The following PTPRT variants were observed in gnomAD, a reference collection of about 807,000 sequenced individuals.
PTPRT encodes protein tyrosine phosphatase receptor type T.
A neutral mutation model predicts 176.8 loss-of-function variants in PTPRT; 56 were observed. That is an observed-to-expected ratio of 0.32 (90% confidence interval 0.26 to 0.40). The LOEUF (loss-of-function observed/expected upper bound fraction) is 0.40, where lower values mean the gene tolerates loss of function less well. PTPRT is among the 10% of genes least tolerant of loss of function. The pLI, the probability that PTPRT is intolerant of heterozygous loss-of-function variation, is 1.00. For synonymous variants in PTPRT, 783 were observed against 739.0 expected (o/e 1.06, Z -0.96); for missense variants, 1,540 against 1,908.2 (o/e 0.81, Z 3.60).
At chr20:43,035,410 T>C (rs973501401) in intron 1 of PTPRT, among the ~76,000 whole-genome samples, 1 of 152,200 alleles carries the variant, frequency 6.6e-6, no homozygotes, top group Non-Finnish European at 1.5e-5. Context: ...ATACGGTCTC[T>C]GCGGCAACTG....
At chr20:43,139,724 T>C (rs1234055428) in intron 1 of PTPRT, among the ~76,000 whole-genome samples, 1 of 152,138 alleles carries the variant, frequency 6.6e-6, no homozygotes, top group Admixed American at 6.5e-5. Context: ...TGGAAAACGG[T>C]CACCCCAGGC....
chr20:42,612,462 C>T (rs954883551), intron 7 of PTPRT, among the ~76,000 whole-genome samples: 3 of 152,140 alleles, frequency 2.0e-5, no homozygotes, highest in African/African-American at 4.8e-5. Context: ...TTACATTACA[C>T]GTCATCACTC....
At chr20:42,326,890 G>A (rs556651925) in intron 11 of PTPRT, among the ~76,000 whole-genome samples, 1 of 151,890 alleles carries the variant, frequency 6.6e-6, no homozygotes, top group South Asian at 2.1e-4. Context: ...GATGTGGATG[G>A]CCATAATTTG....
At chr20:42,162,893 G>A (rs1414923767) in intron 16 of PTPRT, among the ~76,000 whole-genome samples, 1 of 152,218 alleles carries the variant, frequency 6.6e-6, no homozygotes. Flanking sequence ...CGGCAAGCCT[G>A]TTCCTGGCAA....
At chr20:43,082,701 T>C (rs774333292) in intron 1 of PTPRT, among the ~76,000 whole-genome samples, 11 of 152,148 alleles carry the variant, frequency 7.2e-5, no homozygotes, top group African/African-American at 9.7e-5. Context: ...ACCAGCCCAA[T>C]TGTGCCATGA....
At chr20:42,300,257 CAAAA>C (rs761176814) in intron 12 of PTPRT, among the ~76,000 whole-genome samples, 1 of 49,618 alleles carries the variant, frequency 2.0e-5, no homozygotes, top group African/African-American at 8.2e-5. Flanking sequence ...AACTCCGTCT[CAAAA>C]AAAAAAAAAA....
chr20:42,169,902 A>C (rs1045758711), intron 16 of PTPRT, among the ~76,000 whole-genome samples: 4 of 152,146 alleles, frequency 2.6e-5, no homozygotes, highest in African/African-American at 9.7e-5. Flanking sequence ...CCCTACTCCC[A>C]AAACAAGGGA....
chr20:42,977,877 C>A (rs143197255), intron 1 of PTPRT, among the ~76,000 whole-genome samples: 82 of 152,272 alleles, frequency 5.4e-4, no homozygotes, highest in Middle Eastern at 3.4e-3. Flanking sequence ...TAATTGTTTC[C>A]CTAAACTAAT....
rs544167826 is a variant in PTPRT, at chr20:42,080,729, C to T, written c.*150G>A. On this transcript the variant is annotated 3_prime_UTR_variant, in exon 31 of 31. Transcript: ENST00000373187. The stretch of plus-strand genomic sequence containing the variant: ...AGGAGACCCCTCAGAAGGTGCAGAG[C>T]CCCCCGTGGAACACAGGGCCACCAG... 7 of 684,864 alleles carry T rather than the reference C, an allele frequency of 1.0e-5. No homozygotes were observed. The highest frequency in any genetic ancestry group is 1.7e-5 in the Non-Finnish European group (7 of 401,838). The allele number at this position is 684,864 out of a possible 1,614,324, so 42.4% of individuals were successfully genotyped here.
chr20:43,072,620 T>C (rs1027546527), intron 1 of PTPRT, among the ~76,000 whole-genome samples: 1 of 152,186 alleles, frequency 6.6e-6, no homozygotes, highest in African/African-American at 2.4e-5. Context: ...TGTAGAAAAT[T>C]GCCCAAACTT....
rs535588971 is a variant in PTPRT, at chr20:42,147,191, T to C, written c.2683-5189A>G. Among the ~76,000 whole-genome samples the C allele has an allele frequency of 3.9e-5, 6 of 152,352 alleles. No homozygotes were observed. In the East Asian group the frequency reaches 1.2e-3, roughly 29 times the overall value. On this transcript the variant is annotated intron_variant, in intron 17 of 30. Coordinates refer to ENST00000373187, the MANE Select transcript of PTPRT (RefSeq NM_007050.6). ...GCTGGCTCTATACTTCAGATGTGCT[T>C]GAAAGACCTATTTAGGATGAATGAA...
intron 1 of PTPRT, among the ~76,000 whole-genome samples, chr20:42,977,272 C>T (rs1003527158): frequency 1.2e-4 from 18 of 152,166 alleles, no homozygotes; most frequent in African/African-American, 4.3e-4. Context: ...TGAAGACCTA[C>T]ATTTGCTCCC....
At chr20:42,989,526 C>T (rs1164503316) in intron 1 of PTPRT, among the ~76,000 whole-genome samples, 3 of 152,152 alleles carry the variant, frequency 2.0e-5, no homozygotes, top group African/African-American at 7.2e-5. Flanking sequence ...AAGGACTGCC[C>T]AGGTAGAACC....
In PTPRT at chr20:42,619,453, C is replaced by A. The variant is rs1390212880; in HGVS notation, c.1153+58413G>T. Among the ~76,000 whole-genome samples the A allele has an allele frequency of 4.0e-5, 5 of 124,906 alleles. No homozygotes were observed. The East Asian group carries it at 1.0e-3, about 26-fold the overall frequency. The allele number at this position is 124,906 out of a possible 152,430, so 81.9% of individuals were successfully genotyped here. A position where few individuals can be genotyped will look rare whatever the true frequency, so the allele number is the denominator to read the frequency against. Reference sequence around the variant, plus strand: ...CTCTTCTCGAGGAGTATCTTTGTGGCATTCTCTGTATTTCCTGAATCTGAA... The same window carrying A: ...CTCTTCTCGAGGAGTATCTTTGTGGAATTCTCTGTATTTCCTGAATCTGAA... On this transcript the variant is annotated intron_variant, in intron 7 of 30. Coordinates refer to ENST00000373187, the MANE Select transcript of PTPRT (RefSeq NM_007050.6).
rs76699642 is a variant in PTPRT at position 42,481,120 on chromosome 20, T to G, written c.1154-8558A>C. Among the ~76,000 whole-genome samples, 1,382 of 152,268 alleles carry G rather than the reference T, an allele frequency of 9.1e-3. 18 individuals carry two copies. Among genetic ancestry groups the G allele is most frequent in the Admixed American group, 0.032 (491 of 15,298 alleles). Reference sequence around the variant, plus strand: ...CTGTTGCATCTTTCCATCTCTGCTATTATAGTGCAAATGTAGCCATAGACA... The same window carrying G: ...CTGTTGCATCTTTCCATCTCTGCTAGTATAGTGCAAATGTAGCCATAGACA... On this transcript the variant is annotated intron_variant, in intron 7 of 30. Coordinates refer to ENST00000373187, the MANE Select transcript of PTPRT (RefSeq NM_007050.6).
intron 11 of PTPRT, among the ~76,000 whole-genome samples, chr20:42,343,358 T>C (rs115072781): frequency 1.3e-3 from 202 of 151,976 alleles, no homozygotes; most frequent in African/African-American, 4.7e-3. Context: ...AAACTGGGAG[T>C]CATGCTGGAC....
At chr20:42,754,561 G>A (rs1236192872) in intron 6 of PTPRT, among the ~76,000 whole-genome samples, 2 of 152,232 alleles carry the variant, frequency 1.3e-5, no homozygotes, top group Non-Finnish European at 2.9e-5. Flanking sequence ...GGGATGACAG[G>A]CGTGAGCCAC....
chr20:42,648,820 G>GTTTTTTTTTTTGTGTT (rs746084382), intron 7 of PTPRT, among the ~76,000 whole-genome samples: 1 of 111,834 alleles, frequency 8.9e-6, no homozygotes, highest in African/African-American at 3.7e-5. Context: ...TGGTGTCGTT[G>GTTTTTTTTTTTGTGTT]TTTTTTTTTT....
intron 16 of PTPRT, among the ~76,000 whole-genome samples, chr20:42,179,121 T>C (rs1215437428): frequency 3.3e-5 from 5 of 152,188 alleles, no homozygotes; most frequent in African/African-American, 4.8e-5. Context: ...CAAATCCTAA[T>C]ATCATTCTGC....
Sources: gnomAD v4.1 joint callset for allele counts (sites outside exome capture counted in the v4.1 genomes callset) on GRCh38, gnomAD v4.1.1 for gene constraint, MANE v1.5 for transcripts, NCBI Gene and HGNC (gene_info 2026-07-23, HGNC 2026-07-21) for gene names.